TRIM28: variants seen among roughly 807,000 people sequenced by gnomAD.
The protein encoded by TRIM28 is tripartite motif containing 28, also known as transcription intermediary factor 1-beta.
Under a neutral mutation model 87.4 loss-of-function variants are expected in TRIM28, and 8 were observed. The observed-to-expected ratio is 0.09, with a 90% confidence interval of 0.05 to 0.17. The LOEUF (loss-of-function observed/expected upper bound fraction) is 0.17. Ranked by LOEUF, TRIM28 falls within the 10% of genes least tolerant of loss-of-function variation. TRIM28 has a pLI of 1.00. For missense variants in TRIM28, 968 were observed against 1,131.8 expected (o/e 0.86, Z 2.08); for synonymous variants, 601 against 454.3 (o/e 1.32, Z -4.11).
Position 58,550,675 on chromosome 19 carries a change from T to C in TRIM28, c.*122T>C, listed in dbSNP as rs1043324562. Reference sequence around the variant, plus strand: ...CCCCATCCCCCAGTTCCTCACGATATGGTTTTTACTTCTGTGGATTTAATA... The same window carrying C: ...CCCCATCCCCCAGTTCCTCACGATACGGTTTTTACTTCTGTGGATTTAATA... On this transcript the variant is annotated 3_prime_UTR_variant, in exon 17 of 17. Transcript: ENST00000253024. The C allele has an allele frequency of 2.3e-5, 23 of 989,808 alleles. No individual in the cohort carries two copies. The highest frequency in any genetic ancestry group is 8.2e-5 in the African/African-American group (5 of 61,080). 61.3% of individuals were successfully genotyped at this position (989,808 alleles called of 1,614,324 possible).
At chr19:58,547,296 A>G in intron 3 of TRIM28, 80 bp from the exon 4 acceptor site, 1 of 1,564,430 alleles carries the variant, frequency 6.4e-7, no homozygotes. Flanking sequence ...ACAGGCCGGA[A>G]ATGAGGCCCC....
chr19:58,547,558 C>CGTAGCTT, intron 4 of TRIM28, 39 bp from the exon 5 acceptor site: 1 of 1,613,542 alleles, frequency 6.2e-7, no homozygotes, highest in South Asian at 1.1e-5. Flanking sequence ...CCACCCCTTC[C>CGTAGCTT]GTAGCTTAGT....
In TRIM28 at chr19:58,549,674, C is replaced by G; in HGVS notation, c.1982+24C>G. The G allele has an allele frequency of 6.2e-7, 1 of 1,604,092 alleles. No homozygotes were observed. The highest frequency in any genetic ancestry group is 8.5e-7 in the Non-Finnish European group (1 of 1,172,778). The stretch of plus-strand genomic sequence containing the variant: ...GGGTGAGTGTGAGGCTGGTGGGGGT[C>G]AAGTCTGGGTGTTGGGCTGTCTGGA... On this transcript the variant is annotated intron_variant, in intron 13 of 16. Transcript: ENST00000253024. The surrounding 1 kb of genome is among the most constrained non-coding windows in gnomAD (Gnocchi z 4.4).
Position 58,550,611 on chromosome 19 carries a change from CCCCACTCCCCTGGTGGCCTGACT to C in TRIM28, c.*68_*90del. On this transcript the variant is annotated 3_prime_UTR_variant, in exon 17 of 17. Transcript: ENST00000253024. ...TCTGTTCTCTGTCCTGTCACCCCATCCCCACTCCCCTGGTGGCCTGACTCCCACTCCCTGGTGGCCCCATCCCC... is the reference window on the plus strand; with the variant it reads ...TCTGTTCTCTGTCCTGTCACCCCATCCCCACTCCCTGGTGGCCCCATCCCC... 3.2e-6 allele frequency: 5 copies of C among 1,539,548 alleles called. No homozygotes were observed. Among genetic ancestry groups the C allele is most frequent in the Non-Finnish European group, 4.4e-6 (5 of 1,140,042 alleles).
In TRIM28 at chr19:58,548,972, G is replaced by A. The variant is rs1250296234; in HGVS notation, c.1410-16G>A. On this transcript the variant is annotated splice_polypyrimidine_tract_variant and intron_variant, in intron 11 of 16. Coordinates refer to ENST00000253024, the MANE Select transcript of TRIM28 (RefSeq NM_005762.3). ...GAGGGTGGGGGTGTACTCATGCCAG[G>A]TTGCTGCATCTACAGGTCCCGCTCA... The A allele has an allele frequency of 1.2e-6, 2 of 1,614,060 alleles. No individual in the cohort carries two copies. Among genetic ancestry groups the A allele is most frequent in the Non-Finnish European group, 1.7e-6 (2 of 1,179,998 alleles).
rs762243304 is a variant in TRIM28 at position 58,549,512 on chromosome 19, G to A, written c.1844G>A (p.Gly615Asp). The change falls in exon 13 of 17, where the codon GGT (glycine) becomes GAT (aspartate). Residue 615 changes from glycine (G) to aspartate (D), a missense_variant. This residue lies in a region of TRIM28 where 164 missense variants were observed against 146.2 expected (regional missense o/e 1.12). Coordinates refer to ENST00000253024, the MANE Select transcript of TRIM28 (RefSeq NM_005762.3). This position sits in a 1 kb window ranked among gnomAD's most constrained non-coding sequence, Gnocchi z 4.4. ...VVAPEGTSAP[G>D]GGPGTLDDSA... ...GCTCCTGAGGGTACCTCAGCCCCAGGTGGTGGCCCGGGAACCCTGGATGAC... is the reference window on the plus strand; with the variant it reads ...GCTCCTGAGGGTACCTCAGCCCCAGATGGTGGCCCGGGAACCCTGGATGAC... The A allele has an allele frequency of 6.2e-7, 1 of 1,614,010 alleles. No individual in the cohort carries two copies. Among genetic ancestry groups the A allele is most frequent in the Non-Finnish European group, 8.5e-7 (1 of 1,179,998 alleles).
chr19:58,545,073 G>A lies in TRIM28; in HGVS notation c.316G>A (p.Gly106Ser). The A allele has an allele frequency of 1.4e-6, 2 of 1,439,210 alleles. No homozygotes were observed. The highest frequency in any genetic ancestry group is 1.8e-6 in the Non-Finnish European group (2 of 1,109,540). 89.2% of individuals were successfully genotyped at this position (1,439,210 alleles called of 1,614,324 possible). A position where few individuals can be genotyped will look rare whatever the true frequency, so the allele number is the denominator to read the frequency against. The change falls in exon 1 of 17, where the codon GGC becomes AGC. Residue 106 changes from glycine (G) to serine (S), a missense_variant. Gly to Ser is a moderately conservative substitution (Grantham distance 56). Around this residue, in one of 11 missense-constraint regions of TRIM28, gnomAD observed 208 missense variants for 170.9 expected, o/e 1.22. Transcript: ENST00000253024. ...APAAANSSGD[G>S]GAAGDGTVVD... ...CGCCGCCGCCAACAGCTCGGGGGACGGCGGGGCGGCGGGCGACGGCACCGG... is the reference window on the plus strand; with the variant it reads ...CGCCGCCGCCAACAGCTCGGGGGACAGCGGGGCGGCGGGCGACGGCACCGG...
In TRIM28 at chr19:58,548,773, T is replaced by A. The variant is rs761086711; in HGVS notation, c.1357T>A (p.Ser453Thr). The A allele has an allele frequency of 6.2e-7, 1 of 1,614,012 alleles. No homozygotes were observed. Among genetic ancestry groups the A allele is most frequent in the Non-Finnish European group, 8.5e-7 (1 of 1,179,990 alleles). ...MEVQEGYGFG[S>T]GDDPYSSAEP... ...GGTGCAGGAAGGCTATGGCTTTGGG[T>A]CAGGTGAGTGGGTCTGCCTAGTGGG... Residue 453 changes from serine (S) to threonine (T), a missense_variant, in exon 10 of 17, where the codon TCA becomes ACA. Physicochemically the swap from Ser to Thr is moderately conservative, Grantham distance 58. Transcript: ENST00000253024.
rs768997920 is a variant in TRIM28, at chr19:58,548,198, C to T, written c.1101+18C>T. 5.6e-6 allele frequency: 9 copies of T among 1,613,624 alleles called. No homozygotes were observed. In the East Asian group the frequency reaches 1.1e-4, roughly 20 times the overall value. On this transcript the variant is annotated intron_variant, in intron 7 of 16. Transcript: ENST00000253024. ...AGAAGTTGGTGTGTACTGGTGGGCT[C>T]CTGGCTGGTGGGTTCCAGGCAGGTG...
chr19:58,547,901 G>A lies in TRIM28; in HGVS notation c.949G>A (p.Ala317Thr). The change falls in exon 6 of 17, where the codon GCC (alanine) becomes ACC (threonine). Residue 317 changes from alanine to threonine, a missense_variant. Physicochemically the swap from Ala to Thr is moderately conservative, Grantham distance 58. Around this residue, in one of 11 missense-constraint regions of TRIM28, gnomAD observed 84 missense variants for 139.9 expected, o/e 0.60. Coordinates refer to ENST00000253024, the MANE Select transcript of TRIM28 (RefSeq NM_005762.3). ...NKRGRVLVND[A>T]QKVTEGQQER... Reference sequence around the variant, plus strand: ...GCGGGGCCGTGTGCTGGTCAATGATGCCCAGGTAAGCCTTGTGCCGGTGAG... The same window carrying A: ...GCGGGGCCGTGTGCTGGTCAATGATACCCAGGTAAGCCTTGTGCCGGTGAG... 6.2e-7 allele frequency: 1 copy of A among 1,614,132 alleles called. No individual in the cohort carries two copies. Among genetic ancestry groups the A allele is most frequent in the Non-Finnish European group, 8.5e-7 (1 of 1,180,022 alleles).
intron 3 of TRIM28, 180 bp from the exon 4 acceptor site, chr19:58,547,196 T>G: frequency 1.6e-6 from 1 of 630,332 alleles, no homozygotes; most frequent in Non-Finnish European, 2.7e-6. Context: ...GGGCAGAGGA[T>G]TCTGGGAGCA....
intron 15 of TRIM28, 29 bp from the exon 16 acceptor site, chr19:58,550,116 TTG>T (rs759499636): frequency 6.2e-7 from 1 of 1,613,470 alleles, no homozygotes; most frequent in Non-Finnish European, 8.5e-7. Flanking sequence ...ATGTGTGTCT[TTG>T]TGTGTGTATG....
Position 58,548,069 on chromosome 19 carries a change from G to A in TRIM28, c.990G>A (p.Arg330=). ...VTEGQQERLE[R]QHWTMTKIQK... ...AGGGGCAGCAGGAGCGCCTGGAGCG[G>A]CAGCACTGGACCATGACCAAGATCC... Residue 330 remains arginine (R), a synonymous_variant, in exon 7 of 17, where the codon CGG becomes CGA. Coordinates refer to ENST00000253024, the MANE Select transcript of TRIM28 (RefSeq NM_005762.3). 6.2e-7 allele frequency: 1 copy of A among 1,614,188 alleles called. No homozygotes were observed.
chr19:58,546,362 C>A (rs2122625660), intron 3 of TRIM28, among the ~76,000 whole-genome samples: 1 of 152,308 alleles, frequency 6.6e-6, no homozygotes, highest in South Asian at 2.1e-4. Context: ...CAGAGACTTA[C>A]CCAAAGTTTG....
chr19:58,548,590 C>T lies in TRIM28; in HGVS notation c.1321C>T (p.Gln441Ter). Residue 441 changes from glutamine (Q) to a stop codon, truncating the protein, a stop_gained and splice_region_variant, in exon 9 of 17, where the codon CAG (glutamine) becomes TAG (stop). Transcript: ENST00000253024. LOFTEE classifies it high-confidence loss of function. ...GAGCAAGCAGGGCTCTGGCAGCAGC[C>T]AGGTGAGCAGGAGAGAGGACCCAGG... ...PLSKQGSGSS[Q>*]PMEVQEGYGF... 6.2e-7 allele frequency: 1 copy of T among 1,608,134 alleles called. No individual in the cohort carries two copies. Among genetic ancestry groups the T allele is most frequent in the Non-Finnish European group, 8.5e-7 (1 of 1,178,564 alleles).
rs764217094 is a variant in TRIM28, at chr19:58,548,865, A to G, written c.1364A>G (p.Asp455Gly). 8 of 1,614,048 alleles carry G rather than the reference A, an allele frequency of 5.0e-6. No homozygotes were observed. The Admixed American group carries it at 6.7e-5, about 13-fold the overall frequency. ...TCTTCTTTCTCCATTTTCTAAGGAGATGATCCCTACTCAAGTGCAGAGCCC... is the reference window on the plus strand; with the variant it reads ...TCTTCTTTCTCCATTTTCTAAGGAGGTGATCCCTACTCAAGTGCAGAGCCC... ...VQEGYGFGSG[D>G]DPYSSAEPHV... Residue 455 changes from aspartate to glycine, a missense_variant, in exon 11 of 17, where the codon GAT (aspartate) becomes GGT (glycine). By Grantham distance (94) the Asp-to-Gly change is moderately conservative. Coordinates refer to ENST00000253024, the MANE Select transcript of TRIM28 (RefSeq NM_005762.3).
In TRIM28 at chr19:58,548,310, A is replaced by G; in HGVS notation, c.1118A>G (p.His373Arg). The change falls in exon 8 of 17, where the codon CAC becomes CGC. Residue 373 changes from histidine (H) to arginine (R), a missense_variant. His to Arg is a conservative substitution (Grantham distance 29, BLOSUM62 0). Coordinates refer to ENST00000253024, the MANE Select transcript of TRIM28 (RefSeq NM_005762.3). ...CCCAACCAGATCTACTTCCAGCTGC[A>G]CCGGGCCCTCAAGATGATTGTGGAT... is the stretch of plus-strand genomic sequence containing the variant. ...LSKKLIYFQLHRALKMIVDPV... is the reference protein window; with the variant it reads ...LSKKLIYFQLRRALKMIVDPV... 1 of 1,614,090 alleles carries G rather than the reference A, an allele frequency of 6.2e-7. No homozygotes were observed. Among genetic ancestry groups the G allele is most frequent in the Non-Finnish European group, 8.5e-7 (1 of 1,179,996 alleles).
Position 58,550,587 on chromosome 19 carries a change from C to G in TRIM28, c.*34C>G, listed in dbSNP as rs199796039. The stretch of plus-strand genomic sequence containing the variant: ...CCCCCATGGCCAGCCCAGCCTGGCT[C>G]TGTTCTCTGTCCTGTCACCCCATCC... On this transcript the variant is annotated 3_prime_UTR_variant, in exon 17 of 17. Coordinates refer to ENST00000253024, the MANE Select transcript of TRIM28 (RefSeq NM_005762.3). 2.3e-5 allele frequency: 36 copies of G among 1,586,986 alleles called. No homozygotes were observed. The highest frequency in any genetic ancestry group is 6.8e-5 in the Admixed American group (4 of 59,206).
At position 58,549,201 on chromosome 19, in the gene TRIM28, C is replaced by G; in HGVS notation, c.1623C>G (p.Thr541=). Residue 541 remains threonine (T), a synonymous_variant, in exon 12 of 17, where the codon ACC becomes ACG. Transcript: ENST00000253024. This position sits in a 1 kb window ranked among gnomAD's most constrained non-coding sequence, Gnocchi z 4.4. ...AGCCAGGGACTGCGCCTGCAGGAAC[C>G]CCTGGTGCCCCACCCCTGGCTGGCA... ...TGQPGTAPAG[T]PGAPPLAGMA... 1 of 1,613,874 alleles carries G rather than the reference C, an allele frequency of 6.2e-7. No homozygotes were observed. The highest frequency in any genetic ancestry group is 8.5e-7 in the Non-Finnish European group (1 of 1,179,894).
Sources: allele counts gnomAD v4.1 joint callset (sites outside exome capture counted in the v4.1 genomes callset), GRCh38; gene constraint gnomAD v4.1.1; regional missense constraint gnomAD v4.1.1; non-coding constraint Gnocchi (gnomAD v3.1); transcripts MANE v1.5; gene names NCBI Gene and HGNC (gene_info 2026-07-23, HGNC 2026-07-21).